WDR33: variants seen among roughly 807,000 people sequenced by gnomAD.
The protein encoded by WDR33 is pre-mRNA 3' end processing protein WDR33.
WDR33 carries 47 observed loss-of-function variants against 164.9 expected under a neutral mutation model. The observed-to-expected ratio is 0.29, with a 90% CI of 0.23 to 0.36. The LOEUF (loss-of-function observed/expected upper bound fraction) is 0.36. Among genes scored for constraint, WDR33 ranks in the 10% least tolerant of loss-of-function variants. WDR33 has a pLI of 1.00. For missense variants in WDR33, 1,137 were observed against 1,754.1 expected (o/e 0.65, Z 6.28); for synonymous variants, 505 against 589.0 (o/e 0.86, Z 2.06).
intron 7 of WDR33, among the ~76,000 whole-genome samples, chr2:127,754,660 C>T (rs1687471392): frequency 6.7e-6 from 1 of 149,506 alleles, no homozygotes; most frequent in African/African-American, 2.5e-5. Flanking sequence ...TGGCTTTAAG[C>T]AACCTTCCCA....
In WDR33 at chr2:127,724,130, A is replaced by G. The variant is rs576883341; in HGVS notation, c.1196+203T>C. On this transcript the variant is annotated intron_variant, in intron 11 of 21. Coordinates refer to ENST00000322313, the MANE Select transcript of WDR33 (RefSeq NM_018383.5). This position sits in a 1 kb window ranked among gnomAD's most constrained non-coding sequence, Gnocchi z 4.8. ...AACTTCTGTTTTAAGTCAGAAGGCA[A>G]AACAAAATTTGAATAGCCAAAACCA... 1.3e-5 allele frequency among the ~76,000 whole-genome samples: 2 copies of G among 152,364 alleles called. No homozygotes were observed. Among genetic ancestry groups the G allele is most frequent in the African/African-American group, 4.8e-5 (2 of 41,588 alleles).
At position 127,703,229 on chromosome 2, in the gene WDR33, TCA is replaced by T. The variant is rs1685935983; in HGVS notation, c.*3092_*3093del. 6.0e-6 allele frequency: 1 copy of T among 167,020 alleles called. No homozygotes were observed. The highest frequency in any genetic ancestry group is 2.1e-4 in the South Asian group (1 of 4,828). The allele number at this position is 167,020 out of a possible 1,614,324, so 10.3% of individuals were successfully genotyped here. ...AGTGGTCCTCGCGCTTGACTGCACA[TCA>T]GTTACTTGAAGAGCCACACCTCAGA... is the stretch of plus-strand genomic sequence containing the variant. On this transcript the variant is annotated 3_prime_UTR_variant, in exon 22 of 22. Coordinates refer to ENST00000322313, the MANE Select transcript of WDR33 (RefSeq NM_018383.5).
intron 1 of WDR33, among the ~76,000 whole-genome samples, chr2:127,783,718 C>T (rs1269555902): frequency 6.8e-6 from 1 of 147,986 alleles, no homozygotes; most frequent in Non-Finnish European, 1.5e-5. Flanking sequence ...GATTCTCCTG[C>T]CTCAGTCTCC....
At chr2:127,749,924 C>T (rs542940056) in intron 7 of WDR33, among the ~76,000 whole-genome samples, 4 of 151,396 alleles carry the variant, frequency 2.6e-5, no homozygotes, top group Non-Finnish European at 5.9e-5. Flanking sequence ...CAAGCTCCAC[C>T]TCTCGGGTTC....
intron 7 of WDR33, among the ~76,000 whole-genome samples, chr2:127,750,477 T>G (rs1387739712): frequency 1.3e-5 from 2 of 150,142 alleles, no homozygotes; most frequent in East Asian, 4.0e-4. Flanking sequence ...TGAAACCCCA[T>G]CGCTACTTAA....
chr2:127,711,294 G>A (rs1297274950), intron 18 of WDR33, among the ~76,000 whole-genome samples: 8 of 151,796 alleles, frequency 5.3e-5, no homozygotes, highest in African/African-American at 7.3e-5. Flanking sequence ...GCGTGGTGGC[G>A]CGTGCCTGTA....
rs2105433951 is a variant in WDR33 at position 127,763,509 on chromosome 2, T to C, written c.627-350A>G. 1 of 1,060,360 alleles carries C rather than the reference T, an allele frequency of 9.4e-7. No individual in the cohort carries two copies. Among genetic ancestry groups the C allele is most frequent in the African/African-American group, 1.7e-5 (1 of 59,566 alleles). 65.7% of individuals were successfully genotyped at this position (1,060,360 alleles called of 1,614,324 possible). A position where few individuals can be genotyped will look rare whatever the true frequency, so the allele number is the denominator to read the frequency against. ...ATAAATGGATTCTATTTTTGCAGTA[T>C]TCCTGCAGTCTTTTAAATCACACAC... On this transcript the variant is annotated intron_variant, in intron 6 of 21. Transcript: ENST00000322313. The surrounding 1 kb of genome is among the most constrained non-coding windows in gnomAD (Gnocchi z 4.5).
chr2:127,781,079 G>C (rs920060038), intron 1 of WDR33, among the ~76,000 whole-genome samples: 3 of 152,056 alleles, frequency 2.0e-5, no homozygotes, highest in African/African-American at 7.2e-5. Context: ...GGCCAGGCTG[G>C]TCTCAAACTC....
Position 127,701,983 on chromosome 2 carries a change from C to T in WDR33, c.*4340G>A. 1 of 1,357,702 alleles carries T rather than the reference C, an allele frequency of 7.4e-7. No individual in the cohort carries two copies. The highest frequency in any genetic ancestry group is 1.5e-5 in the African/African-American group (1 of 64,784). 84.1% of individuals were successfully genotyped at this position (1,357,702 alleles called of 1,614,324 possible). A position where few individuals can be genotyped will look rare whatever the true frequency, so the allele number is the denominator to read the frequency against. On this transcript the variant is annotated 3_prime_UTR_variant, in exon 22 of 22. Coordinates refer to ENST00000322313, the MANE Select transcript of WDR33 (RefSeq NM_018383.5). ...CGGCCCGCGCTGCTCTACATGGCAGCGCTGGGCGCCACGCTGTTCGCCGCG... is the reference window on the plus strand; with the variant it reads ...CGGCCCGCGCTGCTCTACATGGCAGTGCTGGGCGCCACGCTGTTCGCCGCG...
chr2:127,729,666 T>C (rs1488743812), intron 7 of WDR33, among the ~76,000 whole-genome samples: 1 of 151,972 alleles, frequency 6.6e-6, no homozygotes, highest in East Asian at 1.9e-4. Flanking sequence ...CGGCTAATTG[T>C]TTGTATTTTT....
chr2:127,785,805 T>C (rs914838225), intron 1 of WDR33, among the ~76,000 whole-genome samples: 1 of 152,158 alleles, frequency 6.6e-6, no homozygotes, highest in African/African-American at 2.4e-5. Context: ...CGTTTTTGGG[T>C]AGATGTTATT....
In WDR33 at chr2:127,724,871, C is replaced by T; in HGVS notation, c.1085+16G>A. 3 of 1,613,838 alleles carry T rather than the reference C, an allele frequency of 1.9e-6. No individual in the cohort carries two copies. The highest frequency in any genetic ancestry group is 1.1e-5 in the South Asian group (1 of 91,072). On this transcript the variant is annotated intron_variant, in intron 10 of 21. Coordinates refer to ENST00000322313, the MANE Select transcript of WDR33 (RefSeq NM_018383.5). This position sits in a 1 kb window ranked among gnomAD's most constrained non-coding sequence, Gnocchi z 4.8. ...CTTCACAAAATACACTACTTTTTCACATAAATCTTACATACCCAACATGCC... is the reference window on the plus strand; with the variant it reads ...CTTCACAAAATACACTACTTTTTCATATAAATCTTACATACCCAACATGCC...
chr2:127,783,622 T>C (rs1338860191), intron 1 of WDR33, among the ~76,000 whole-genome samples: 1 of 141,780 alleles, frequency 7.1e-6, no homozygotes, highest in African/African-American at 2.7e-5. Flanking sequence ...TTTTTTTTTT[T>C]TTGAGACAGT....
intron 7 of WDR33, among the ~76,000 whole-genome samples, chr2:127,750,238 G>A (rs190253419): frequency 7.9e-5 from 12 of 152,142 alleles, no homozygotes; most frequent in African/African-American, 2.9e-4. Context: ...ATGTTGCCAA[G>A]GCTGGTCTCA....
At position 127,796,194 on chromosome 2, in the gene WDR33, C is replaced by T. The variant is rs548721650; in HGVS notation, c.-24+14818G>A. ...TCAAGTGATCCTCCCACCTCAGCCT[C>T]CTGAGTAGCTGGGACTATACAGCAT... On this transcript the variant is annotated intron_variant, in intron 1 of 21. Transcript: ENST00000322313. Among the ~76,000 whole-genome samples, 116 of 151,718 alleles carry T rather than the reference C, an allele frequency of 7.6e-4. 2 individuals carry two copies. Among genetic ancestry groups the T allele is most frequent in the African/African-American group, 2.6e-3 (109 of 41,206 alleles).
Position 127,764,322 on chromosome 2 carries a change from A to G in WDR33, c.626+506T>C. On this transcript the variant is annotated intron_variant, in intron 6 of 21. Coordinates refer to ENST00000322313, the MANE Select transcript of WDR33 (RefSeq NM_018383.5). The surrounding 1 kb of genome is among the most constrained non-coding windows in gnomAD (Gnocchi z 6.2). ...TCATTACTCCGTTAATGTTTGCCAC[A>G]TCCAGTTATCTGTGAGGGTTTTAGT... 9 of 1,354,990 alleles carry G rather than the reference A, an allele frequency of 6.6e-6. No individual in the cohort carries two copies. The highest frequency in any genetic ancestry group is 8.5e-6 in the Non-Finnish European group (9 of 1,053,904). 83.9% of individuals were successfully genotyped at this position (1,354,990 alleles called of 1,614,324 possible).
rs1686258692 is a variant in WDR33, at chr2:127,714,749, A to G, written c.2870-728T>C. On this transcript the variant is annotated intron_variant, in intron 17 of 21. Coordinates refer to ENST00000322313, the MANE Select transcript of WDR33 (RefSeq NM_018383.5). The surrounding 1 kb of genome is among the most constrained non-coding windows in gnomAD (Gnocchi z 4.3). ...GAAAGTACTGAATAAAAATGGAAAG[A>G]TGCCAGTTAAATGTGTGATGGTTAA... Among the ~76,000 whole-genome samples, 1 of 152,256 alleles carries G rather than the reference A, an allele frequency of 6.6e-6. No homozygotes were observed. The highest frequency in any genetic ancestry group is 2.4e-5 in the African/African-American group (1 of 41,466).
rs1686222792 is a variant in WDR33 at position 127,713,283 on chromosome 2, A to C, written c.3308+300T>G. On this transcript the variant is annotated intron_variant, in intron 18 of 21. Transcript: ENST00000322313. This position sits in a 1 kb window ranked among gnomAD's most constrained non-coding sequence, Gnocchi z 6.2. ...TTATTCTAATCAAGAAGAACCTGGA[A>C]ATTTTAAGTCAGATCCCAGCAAGTC... Among the ~76,000 whole-genome samples, 1 of 152,208 alleles carries C rather than the reference A, an allele frequency of 6.6e-6. No homozygotes were observed. The highest frequency in any genetic ancestry group is 1.5e-5 in the Non-Finnish European group (1 of 68,034).
Position 127,763,029 on chromosome 2 carries a change from A to G in WDR33, c.724+33T>C. ...TTAACCACAAATGTCTTCCCTATTT[A>G]AATATTCCAATCAGTACTGTTAGTA... On this transcript the variant is annotated intron_variant, in intron 7 of 21. Transcript: ENST00000322313. This position sits in a 1 kb window ranked among gnomAD's most constrained non-coding sequence, Gnocchi z 4.5. 1 of 1,613,642 alleles carries G rather than the reference A, an allele frequency of 6.2e-7. No homozygotes were observed. Among genetic ancestry groups the G allele is most frequent in the Non-Finnish European group, 8.5e-7 (1 of 1,179,712 alleles).
Sources: gnomAD v4.1 joint callset for allele counts (sites outside exome capture counted in the v4.1 genomes callset) on GRCh38, gnomAD v4.1.1 for gene constraint, Gnocchi (gnomAD v3.1) non-coding constraint, MANE v1.5 for transcripts, NCBI Gene and HGNC (gene_info 2026-07-23, HGNC 2026-07-21) for gene names.